The following CELSR1 variants were observed in gnomAD, a reference collection of about 807,000 sequenced individuals.
CELSR1 encodes cadherin EGF LAG seven-pass G-type receptor 1, also known as adhesion G protein-coupled receptor C1.
In CELSR1, 110 loss-of-function variants were observed where a neutral mutation model predicts 249.1. The observed-to-expected ratio is 0.44, with a 90% CI of 0.38 to 0.52. CELSR1 has a LOEUF of 0.52. Among genes scored for constraint, CELSR1 ranks in the 20% least tolerant of loss-of-function variants. The probability of loss-of-function intolerance (pLI) is 0.00; values close to 1 mark genes in which losing one functional copy is unlikely to be tolerated. For synonymous variants in CELSR1, 2,113 were observed against 1,900.0 expected, an observed-to-expected ratio of 1.11 and a Z score of -2.92; for missense variants, 4,109 against 4,296.4, an observed-to-expected ratio of 0.96 and a Z score of 1.22.
chr22:46,530,678 A>G (rs1263526285), intron 1 of CELSR1, among the ~76,000 whole-genome samples: 1 of 152,200 alleles, frequency 6.6e-6, no homozygotes, highest in African/African-American at 2.4e-5. Context: ...TTTTCAAAAA[A>G]TGTTTTCTCC....
At chr22:46,476,811 G>T (rs1262082978) in intron 1 of CELSR1, among the ~76,000 whole-genome samples, 1 of 151,634 alleles carries the variant, frequency 6.6e-6, no homozygotes, top group Non-Finnish European at 1.5e-5. Context: ...CTGGGTATGG[G>T]GCTTTCTCAG....
rs1023493586 is a variant in CELSR1 at position 46,447,562 on chromosome 22, G to A, written c.4184-8151C>T. Among the ~76,000 whole-genome samples the A allele has an allele frequency of 6.6e-6, 1 of 152,192 alleles. No individual in the cohort carries two copies. On this transcript the variant is annotated intron_variant, in intron 2 of 34. Transcript: ENST00000674500. The surrounding 1 kb of genome is among the most constrained non-coding windows in gnomAD (Gnocchi z 4.7). The stretch of plus-strand genomic sequence containing the variant: ...CCTATTGCTGTGCTCACTCACGCAT[G>A]CAGCCTGCCAAAAGCTCCCCCTCTC...
chr22:46,512,609 G>A lies in CELSR1; in HGVS notation c.3544+21018C>T, dbSNP rs893548853. On this transcript the variant is annotated intron_variant, in intron 1 of 34. Transcript: ENST00000674500. The surrounding 1 kb of genome is among the most constrained non-coding windows in gnomAD (Gnocchi z 5.2). ...AAATCAAGGCCCAATACTATGCATTGCCTTGACATCTGCTGAAGCCAGGAG... is the reference window on the plus strand; with the variant it reads ...AAATCAAGGCCCAATACTATGCATTACCTTGACATCTGCTGAAGCCAGGAG... 9.9e-5 allele frequency among the ~76,000 whole-genome samples: 15 copies of A among 152,080 alleles called. No homozygotes were observed. Among genetic ancestry groups the A allele is most frequent in the African/African-American group, 3.6e-4 (15 of 41,400 alleles).
rs2147807859 is a variant in CELSR1, at chr22:46,527,849, A to G, written c.3544+5778T>C. On this transcript the variant is annotated intron_variant, in intron 1 of 34. Coordinates refer to ENST00000674500, the MANE Select transcript of CELSR1 (RefSeq NM_001378328.1). The surrounding 1 kb of genome is among the most constrained non-coding windows in gnomAD (Gnocchi z 5.5). ...GGTGGCTCACGCCTGTAATCCCAGC[A>G]TTTTGGGAGGCTGAGGCGGGCGGAT... Among the ~76,000 whole-genome samples the G allele has an allele frequency of 6.6e-6, 1 of 152,298 alleles. No homozygotes were observed. The highest frequency in any genetic ancestry group is 1.5e-5 in the Non-Finnish European group (1 of 68,026).
chr22:46,478,747 T>C (rs1476841075), intron 1 of CELSR1, among the ~76,000 whole-genome samples: 2 of 146,634 alleles, frequency 1.4e-5, no homozygotes, highest in Non-Finnish European at 3.0e-5. Flanking sequence ...AGAGACGGGG[T>C]TTCACCATGT....
intron 1 of CELSR1, among the ~76,000 whole-genome samples, chr22:46,475,850 G>A (rs1031639856): frequency 2.6e-5 from 4 of 152,076 alleles, no homozygotes; most frequent in Non-Finnish European, 5.9e-5. Context: ...ATCTAATTCA[G>A]GATTTAATAC....
intron 1 of CELSR1, among the ~76,000 whole-genome samples, chr22:46,483,335 C>T (rs56717117): frequency 0.022 from 3,283 of 150,048 alleles, 96 homozygotes; most frequent in African/African-American, 0.075. Flanking sequence ...GTCTAGGGCG[C>T]AGTCCTCACA....
At position 46,529,996 on chromosome 22, in the gene CELSR1, A is replaced by G. The variant is rs540168735; in HGVS notation, c.3544+3631T>C. Among the ~76,000 whole-genome samples the G allele has an allele frequency of 2.6e-5, 4 of 151,970 alleles. 1 individual carries two copies. In the South Asian group the frequency reaches 8.3e-4, roughly 32 times the overall value. ...TTACACATTGCATGCCTGTGCCAGA[A>G]TATCTCATGTACCTCATAAATACAT... On this transcript the variant is annotated intron_variant, in intron 1 of 34. Coordinates refer to ENST00000674500, the MANE Select transcript of CELSR1 (RefSeq NM_001378328.1).
intron 2 of CELSR1, among the ~76,000 whole-genome samples, chr22:46,449,374 C>T (rs984466091): frequency 6.6e-6 from 1 of 151,560 alleles, no homozygotes; most frequent in African/African-American, 2.4e-5. Context: ...CACATCCATC[C>T]ATCCATCCAA....
Position 46,380,657 on chromosome 22 carries a change from G to T in CELSR1, c.7256+131C>A. On this transcript the variant is annotated intron_variant, in intron 22 of 34. Coordinates refer to ENST00000674500, the MANE Select transcript of CELSR1 (RefSeq NM_001378328.1). This position sits in a 1 kb window ranked among gnomAD's most constrained non-coding sequence, Gnocchi z 5.1. ...GAGCAGGAGGCTCACTGCCCCCACG[G>T]GGGACTTAAAGGGGAAACACAGACC... 1.9e-6 allele frequency: 2 copies of T among 1,051,942 alleles called. No individual in the cohort carries two copies. The highest frequency in any genetic ancestry group is 2.8e-6 in the Non-Finnish European group (2 of 727,070). The allele number at this position is 1,051,942 out of a possible 1,614,324, so 65.2% of individuals were successfully genotyped here. A position where few individuals can be genotyped will look rare whatever the true frequency, so the allele number is the denominator to read the frequency against.
In CELSR1 at chr22:46,381,735, G is replaced by T; in HGVS notation, c.7088+111C>A. On this transcript the variant is annotated intron_variant, in intron 21 of 34. Transcript: ENST00000674500. This position sits in a 1 kb window ranked among gnomAD's most constrained non-coding sequence, Gnocchi z 6.0. ...TCTGTCTCTGGGCCAGGGTCACGGT[G>T]AAATGTCACTGTGAAGACCTGTGCT... 1 of 1,032,050 alleles carries T rather than the reference G, an allele frequency of 9.7e-7. No individual in the cohort carries two copies. 63.9% of individuals were successfully genotyped at this position (1,032,050 alleles called of 1,614,324 possible).
chr22:46,462,228 C>A (rs2080037600), intron 2 of CELSR1, among the ~76,000 whole-genome samples: 1 of 152,248 alleles, frequency 6.6e-6, no homozygotes, highest in African/African-American at 2.4e-5. Flanking sequence ...CAGACAGCCA[C>A]AGACTAGCAG....
intron 1 of CELSR1, among the ~76,000 whole-genome samples, chr22:46,493,782 C>T (rs2080389678): frequency 6.6e-6 from 1 of 152,116 alleles, no homozygotes; most frequent in Admixed American, 6.6e-5. Context: ...CTTTCTCTTG[C>T]CTGCCACCAT....
intron 1 of CELSR1, among the ~76,000 whole-genome samples, chr22:46,466,583 C>A (rs1018544337): frequency 3.9e-5 from 6 of 152,240 alleles, no homozygotes; most frequent in Admixed American, 3.9e-4. Flanking sequence ...CAGCCCCACA[C>A]TGAGCCTGGC....
chr22:46,422,139 T>A (rs2079481204), intron 5 of CELSR1, among the ~76,000 whole-genome samples: 1 of 152,122 alleles, frequency 6.6e-6, no homozygotes, highest in South Asian at 2.1e-4. Context: ...AGAGTCTCAC[T>A]CTGTCGCCCA....
At chr22:46,382,919 T>A (rs2078994845) in intron 20 of CELSR1, among the ~76,000 whole-genome samples, 1 of 151,906 alleles carries the variant, frequency 6.6e-6, no homozygotes, top group Admixed American at 6.6e-5. Context: ...TGGGCTAGAG[T>A]TTCAGATCTG....
In CELSR1 at chr22:46,380,725, G is replaced by A. The variant is rs908891761; in HGVS notation, c.7256+63C>T. 1.1e-5 allele frequency: 18 copies of A among 1,574,410 alleles called. No individual in the cohort carries two copies. Among genetic ancestry groups the A allele is most frequent in the East Asian group, 4.5e-5 (2 of 44,416 alleles). On this transcript the variant is annotated intron_variant, in intron 22 of 34. Coordinates refer to ENST00000674500, the MANE Select transcript of CELSR1 (RefSeq NM_001378328.1). This position sits in a 1 kb window ranked among gnomAD's most constrained non-coding sequence, Gnocchi z 5.1. ...TGGGGCGCTCTGCCACTGAGCCCCC[G>A]ACCCTGCGGGGGCACTCTGCCTTGG...
chr22:46,525,060 A>G (rs1569218632), intron 1 of CELSR1, among the ~76,000 whole-genome samples: 1 of 152,288 alleles, frequency 6.6e-6, no homozygotes, highest in East Asian at 1.9e-4. Flanking sequence ...AGCGGCCACT[A>G]CTGCAAGACT....
At chr22:46,455,266 G>A (rs981604303) in intron 2 of CELSR1, among the ~76,000 whole-genome samples, 1 of 152,178 alleles carries the variant, frequency 6.6e-6, no homozygotes, top group African/African-American at 2.4e-5. Context: ...GTCTCGCTCT[G>A]TCGCCCAGGC....
Sources: allele counts gnomAD v4.1 joint callset (sites outside exome capture counted in the v4.1 genomes callset), GRCh38; gene constraint gnomAD v4.1.1; non-coding constraint Gnocchi (gnomAD v3.1); transcripts MANE v1.5; gene names NCBI Gene and HGNC (gene_info 2026-07-23, HGNC 2026-07-21).